RUFY4: variants seen among roughly 807,000 people sequenced by gnomAD.
RUFY4 encodes the protein RUN and FYVE domain containing 4.
RUFY4 carries 73 observed loss-of-function variants against 69.0 expected under a neutral mutation model. The observed-to-expected ratio is 1.06, with a 90% CI of 0.88 to 1.29. The LOEUF (loss-of-function observed/expected upper bound fraction) is 1.29, where lower values mean the gene tolerates loss of function less well. Among genes scored for constraint, RUFY4 ranks in the 50% most tolerant of loss-of-function variants. The probability of loss-of-function intolerance (pLI) is 0.00; values close to 1 mark genes in which losing one functional copy is unlikely to be tolerated. For synonymous variants in RUFY4, 287 were observed against 271.8 expected (o/e 1.06, Z -0.55); for missense variants, 770 against 705.6 (o/e 1.09, Z -1.03).
intron 2 of RUFY4, among the ~76,000 whole-genome samples, chr2:218,035,782 C>G (rs73082319): frequency 7.9e-5 from 12 of 152,272 alleles, no homozygotes; most frequent in Admixed American, 7.2e-4. Context: ...CTGCTCCCCC[C>G]ACACACGCAG....
upstream of RUFY4, among the ~76,000 whole-genome samples, chr2:218,066,070 GAGACACAGGTGCAGAGAA>G (rs1163031531): frequency 6.6e-6 from 1 of 151,964 alleles, no homozygotes; most frequent in Admixed American, 6.6e-5. Flanking sequence ...CCCCATAGAA[GAGACACAGGTGCAGAGAA>G]ATGTCCAAAG....
At chr2:218,043,862 G>A (rs1688760333) in intron 2 of RUFY4, among the ~76,000 whole-genome samples, 1 of 152,236 alleles carries the variant, frequency 6.6e-6, no homozygotes, top group African/African-American at 2.4e-5. Context: ...CTGCAGGCCA[G>A]TGCTGATCTG....
upstream of RUFY4, chr2:218,070,358 A>G (rs1042133821): frequency 1.8e-6 from 1 of 569,090 alleles, no homozygotes; most frequent in African/African-American, 1.9e-5. Context: ...AAGTGTTAGC[A>G]CAGTGTCGTC....
upstream of RUFY4, chr2:218,069,152 C>T (rs1436068999): frequency 6.6e-6 from 1 of 152,474 alleles, no homozygotes; most frequent in African/African-American, 2.4e-5. Flanking sequence ...GATCCTGCCT[C>T]TACCACTTCT....
At chr2:218,051,689 T>A (rs970922453) in intron 2 of RUFY4, among the ~76,000 whole-genome samples, 1 of 152,116 alleles carries the variant, frequency 6.6e-6, no homozygotes, top group African/African-American at 2.4e-5. Context: ...AAGGGAGTTT[T>A]GTGTGTGATT....
intron 9 of RUFY4, among the ~76,000 whole-genome samples, chr2:218,087,383 G>A (rs1209677742): frequency 6.6e-6 from 1 of 152,166 alleles, no homozygotes; most frequent in African/African-American, 2.4e-5. Context: ...CATTTTGGAT[G>A]CTGTGAGAAA....
At chr2:218,073,923 C>G (rs950067232) in intron 6 of RUFY4, 38 bp downstream of exon 8, 2 of 1,601,102 alleles carry the variant, frequency 1.2e-6, no homozygotes, top group Non-Finnish European at 1.7e-6. Flanking sequence ...TTGCCTCTTC[C>G]CCATCTCCTT....
intron 2 of RUFY4, among the ~76,000 whole-genome samples, chr2:218,044,872 T>C (rs945887093): frequency 1.3e-5 from 2 of 152,230 alleles, no homozygotes; most frequent in Admixed American, 6.5e-5. Flanking sequence ...TCTATGTCTT[T>C]GCTATTGTGA....
chr2:218,071,299 G>A (rs535584753), intron 2 of RUFY4, among the ~76,000 whole-genome samples: 1 of 151,924 alleles, frequency 6.6e-6, no homozygotes, highest in South Asian at 2.1e-4. Flanking sequence ...CCAACACCCC[G>A]ACACACATCT....
At chr2:218,056,473 C>A (rs1420565530) in intron 2 of RUFY4, among the ~76,000 whole-genome samples, 1 of 152,076 alleles carries the variant, frequency 6.6e-6, no homozygotes, top group African/African-American at 2.4e-5. Flanking sequence ...GACACTGACT[C>A]TTGTACTTTC....
chr2:218,061,135 C>T, intron 3 of RUFY4: 1 of 479,386 alleles, frequency 2.1e-6, no homozygotes, highest in East Asian at 5.1e-5. Context: ...GGGAAAAGAA[C>T]AGGTCGGCCA....
At position 218,072,768 on chromosome 2, in the gene RUFY4, G is replaced by A; in HGVS notation, c.280-11G>A. The stretch of plus-strand genomic sequence containing the variant: ...ATACTGCTCCCCATTCTGCCCCTGT[G>A]CACTCTGCAGTTGAAGACCCCTCTG... On this transcript the variant is annotated splice_polypyrimidine_tract_variant and intron_variant, in intron 3 of 10. Transcript: ENST00000344321. The A allele has an allele frequency of 1.3e-6, 2 of 1,510,924 alleles. No homozygotes were observed. Among genetic ancestry groups the A allele is most frequent in the Non-Finnish European group, 1.8e-6 (2 of 1,133,340 alleles). The allele number at this position is 1,510,924 out of a possible 1,614,324, so 93.6% of individuals were successfully genotyped here. A position where few individuals can be genotyped will look rare whatever the true frequency, so the allele number is the denominator to read the frequency against.
intron 8 of RUFY4, among the ~76,000 whole-genome samples, chr2:218,079,792 A>G (rs544840517): frequency 6.6e-6 from 1 of 152,328 alleles, no homozygotes; most frequent in South Asian, 2.1e-4. Flanking sequence ...CATTCATTCC[A>G]TGGACATTTA....
chr2:218,072,270 C>T (rs1689506466), intron 2 of RUFY4, 104 bp from the exon 5 acceptor site: 39 of 1,373,184 alleles, frequency 2.8e-5, no homozygotes, highest in Non-Finnish European at 3.2e-5. Context: ...GGTGTGTCTG[C>T]AGGAGCCCTC....
intron 9 of RUFY4, among the ~76,000 whole-genome samples, chr2:218,083,491 T>A (rs147235748): frequency 1.2e-4 from 19 of 152,266 alleles, no homozygotes; most frequent in African/African-American, 4.6e-4. Context: ...GGTTCACACC[T>A]GTAATCTCAG....
upstream of RUFY4, among the ~76,000 whole-genome samples, chr2:218,067,577 A>C (rs1434617312): frequency 1.3e-5 from 2 of 152,196 alleles, no homozygotes; most frequent in African/African-American, 4.8e-5. Flanking sequence ...GTCAGGGCAC[A>C]CCAGCTGGGA....
intron 8 of RUFY4, among the ~76,000 whole-genome samples, chr2:218,076,919 T>C (rs1486927982): frequency 6.6e-6 from 1 of 152,216 alleles, no homozygotes; most frequent in Non-Finnish European, 1.5e-5. Flanking sequence ...CCTTTTTTAC[T>C]CAGTTTCTTT....
At chr2:218,073,684 A>T in intron 5 of RUFY4, 132 bp from the exon 8 acceptor site, 1 of 932,660 alleles carries the variant, frequency 1.1e-6, no homozygotes, top group South Asian at 1.6e-5. Context: ...GGGATGCATG[A>T]GGGTGGGTGG....
At chr2:218,038,738 A>G (rs1282931162) in intron 2 of RUFY4, among the ~76,000 whole-genome samples, 1 of 152,194 alleles carries the variant, frequency 6.6e-6, no homozygotes, top group Non-Finnish European at 1.5e-5. Context: ...TTGGGGGCTC[A>G]GTAACTTCCA....
Sources: allele counts gnomAD v4.1 joint callset (sites outside exome capture counted in the v4.1 genomes callset), GRCh38; gene constraint gnomAD v4.1.1; transcripts MANE v1.5; gene names NCBI Gene and HGNC (gene_info 2026-07-23, HGNC 2026-07-21).